Variants in PPP6R3 observed in about 807,000 individuals in gnomAD.
PPP6R3 encodes protein phosphatase 6 regulatory subunit 3.
Under a neutral mutation model 110.7 loss-of-function variants are expected in PPP6R3, and 38 were observed. The ratio of observed to expected loss-of-function variants is 0.34; its 90% confidence interval spans 0.26 to 0.45. The LOEUF is 0.45. Among genes scored for constraint, PPP6R3 ranks in the 20% least tolerant of loss-of-function variants. The pLI is 1.00. For synonymous variants in PPP6R3, 369 were observed against 373.5 expected, an observed-to-expected ratio of 0.99 and a Z score of 0.14; for missense variants, 870 against 1,062.4, an observed-to-expected ratio of 0.82 and a Z score of 2.52.
intron 14 of PPP6R3, among the ~76,000 whole-genome samples, chr11:68,579,116 G>A (rs975658513): frequency 6.6e-6 from 1 of 152,226 alleles, no homozygotes; most frequent in Admixed American, 6.5e-5. Flanking sequence ...ATGTGTGCCT[G>A]TATTAATCAC....
At chr11:68,551,292 A>G (rs527748993) in intron 6 of PPP6R3, 106 bp downstream of exon 6, 2 of 822,412 alleles carry the variant, frequency 2.4e-6, no homozygotes, top group Admixed American at 2.4e-5. Context: ...ATCAGAGCAT[A>G]CAGGGAGAAT....
chr11:68,607,345 A>G (rs1940729011), intron 22 of PPP6R3, among the ~76,000 whole-genome samples: 1 of 152,202 alleles, frequency 6.6e-6, no homozygotes, highest in Non-Finnish European at 1.5e-5. Flanking sequence ...AGGGATTAAT[A>G]ATGGGGAAGG....
intron 14 of PPP6R3, among the ~76,000 whole-genome samples, chr11:68,581,449 G>A (rs962593374): frequency 6.6e-6 from 1 of 152,210 alleles, no homozygotes; most frequent in East Asian, 1.9e-4. Flanking sequence ...GCTAAGAGTC[G>A]CCAACTCTGT....
At chr11:68,563,777 C>G (rs2153742915) in intron 8 of PPP6R3, among the ~76,000 whole-genome samples, 2 of 152,308 alleles carry the variant, frequency 1.3e-5, no homozygotes, top group Non-Finnish European at 2.9e-5. Flanking sequence ...TTACCCAGTT[C>G]TCATTCTACC....
chr11:68,474,673 A>G (rs956605792), intron 1 of PPP6R3, among the ~76,000 whole-genome samples: 1 of 152,236 alleles, frequency 6.6e-6, no homozygotes, highest in African/African-American at 2.4e-5. Context: ...CCTTGCTGGT[A>G]AGACCATTGG....
In PPP6R3 at chr11:68,588,080, A is replaced by G; in HGVS notation, c.1730+56A>G. The G allele has an allele frequency of 2.8e-6, 4 of 1,430,760 alleles. No individual in the cohort carries two copies. In the East Asian group the frequency reaches 9.1e-5, roughly 33 times the overall value. The allele number at this position is 1,430,760 out of a possible 1,614,324, so 88.6% of individuals were successfully genotyped here. On this transcript the variant is annotated intron_variant, in intron 16 of 23. Coordinates refer to ENST00000393800, the MANE Select transcript of PPP6R3 (RefSeq NM_001164161.2). Reference sequence around the variant, plus strand: ...TCTTGCACACCCTTGCTCTTGGTAGATGTATGTGTGATTCTGCGGGATTCT... The same window carrying G: ...TCTTGCACACCCTTGCTCTTGGTAGGTGTATGTGTGATTCTGCGGGATTCT...
At chr11:68,566,607 C>T (rs990236872) in intron 9 of PPP6R3, among the ~76,000 whole-genome samples, 1 of 152,252 alleles carries the variant, frequency 6.6e-6, no homozygotes, top group South Asian at 2.1e-4. Flanking sequence ...GCGATCCACC[C>T]ACCTCGGCCT....
chr11:68,535,597 T>C (rs763023969), intron 2 of PPP6R3: 1 of 152,100 alleles, frequency 6.6e-6, no homozygotes, highest in Admixed American at 6.6e-5. Flanking sequence ...GGAAGACTTT[T>C]ATAACACCCT....
At chr11:68,505,006 A>G (rs1410929199) in intron 1 of PPP6R3, 1 of 152,158 alleles carries the variant, frequency 6.6e-6, no homozygotes, top group Non-Finnish European at 1.5e-5. Flanking sequence ...ACTGGTTTTT[A>G]TAATTTTTCC....
chr11:68,477,772 A>AT (rs2098846270), intron 1 of PPP6R3, among the ~76,000 whole-genome samples: 2 of 134,758 alleles, frequency 1.5e-5, no homozygotes, highest in African/African-American at 2.8e-5. Flanking sequence ...ATATATATAT[A>AT]ATTTCCAACT....
intron 1 of PPP6R3, chr11:68,488,567 G>A (rs750659300): frequency 1.3e-5 from 2 of 152,162 alleles, no homozygotes; most frequent in African/African-American, 4.8e-5. Flanking sequence ...ACAGGGGAAC[G>A]GCTTCTTCCC....
At chr11:68,509,470 ATTTTTTTTTT>A (rs34228704) in intron 1 of PPP6R3, among the ~76,000 whole-genome samples, 1 of 116,474 alleles carries the variant, frequency 8.6e-6, no homozygotes, top group Non-Finnish European at 1.8e-5. Flanking sequence ...TTACTTCTCT[ATTTTTTTTTT>A]TTTTTTTTTA....
At chr11:68,557,047 AAG>A (rs2099402302) in intron 7 of PPP6R3, among the ~76,000 whole-genome samples, 1 of 152,250 alleles carries the variant, frequency 6.6e-6, no homozygotes, top group Non-Finnish European at 1.5e-5. Context: ...TGGTTGAATG[AAG>A]AGAGTGTGGA....
Position 68,598,097 on chromosome 11 carries a change from C to G in PPP6R3, c.2038+1879C>G, listed in dbSNP as rs543198347. On this transcript the variant is annotated intron_variant, in intron 19 of 23. Coordinates refer to ENST00000393800, the MANE Select transcript of PPP6R3 (RefSeq NM_001164161.2). ...ATTAAACAATTCCTCATTTCTACTT[C>G]CCCAGTCCCTAGCAGCCTCCATTCT... Among the ~76,000 whole-genome samples, 69 of 152,170 alleles carry G rather than the reference C, an allele frequency of 4.5e-4. 1 individual carries two copies. The highest frequency in any genetic ancestry group is 4.7e-4 in the Non-Finnish European group (32 of 68,030).
intron 1 of PPP6R3, among the ~76,000 whole-genome samples, chr11:68,470,480 G>C (rs75950262): frequency 1.3e-5 from 2 of 152,052 alleles, no homozygotes; most frequent in East Asian, 1.9e-4. Flanking sequence ...TGGGGGAGAT[G>C]GGGGGAGGGC....
rs1206186154 is a variant in PPP6R3 at position 68,567,447 on chromosome 11, A to G, written c.1128+281A>G. ...TTCCCTCGTGCTCCGTCTCGTGGACAATGACTGCTGGGTGCAGCATTGTTT... is the reference window on the plus strand; with the variant it reads ...TTCCCTCGTGCTCCGTCTCGTGGACGATGACTGCTGGGTGCAGCATTGTTT... On this transcript the variant is annotated intron_variant, in intron 10 of 23. Coordinates refer to ENST00000393800, the MANE Select transcript of PPP6R3 (RefSeq NM_001164161.2). Among the ~76,000 whole-genome samples, 5 of 152,234 alleles carry G rather than the reference A, an allele frequency of 3.3e-5. 1 individual carries two copies. The South Asian group carries it at 1.0e-3, about 32-fold the overall frequency.
intron 2 of PPP6R3, among the ~76,000 whole-genome samples, chr11:68,536,431 A>AT (rs933973991): frequency 2.0e-5 from 3 of 150,644 alleles, no homozygotes; most frequent in Non-Finnish European, 3.0e-5. Flanking sequence ...AATTTTTTGA[A>AT]TTTTTTTTTG....
intron 10 of PPP6R3, among the ~76,000 whole-genome samples, chr11:68,569,160 C>T (rs758815021): frequency 3.3e-5 from 5 of 152,148 alleles, no homozygotes; most frequent in Non-Finnish European, 4.4e-5. Flanking sequence ...CTTGGAGAAA[C>T]GTACTCTTGT....
intron 9 of PPP6R3, among the ~76,000 whole-genome samples, chr11:68,564,853 A>G (rs1027161005): frequency 6.6e-6 from 1 of 152,200 alleles, no homozygotes; most frequent in African/African-American, 2.4e-5. Flanking sequence ...TTAGTATACA[A>G]TTTGGAGAGA....
Sources: gnomAD v4.1 joint callset for allele counts (sites outside exome capture counted in the v4.1 genomes callset) on GRCh38, gnomAD v4.1.1 for gene constraint, MANE v1.5 for transcripts, NCBI Gene and HGNC (gene_info 2026-07-23, HGNC 2026-07-21) for gene names.